TOX2: variants seen among roughly 807,000 people sequenced by gnomAD.
TOX2 encodes the protein TOX high mobility group box family member 2.
TOX2 carries 15 observed loss-of-function variants against 47.4 expected under a neutral mutation model. That is an observed-to-expected ratio of 0.32 (90% CI 0.21 to 0.49). TOX2 has a LOEUF of 0.49. Ranked by LOEUF, TOX2 falls within the 20% of genes least tolerant of loss-of-function variation. The probability of loss-of-function intolerance (pLI) is 0.99; values close to 1 mark genes in which losing one functional copy is unlikely to be tolerated. For missense variants in TOX2, 622 were observed against 673.1 expected, an observed-to-expected ratio of 0.92 and a Z score of 0.84; for synonymous variants, 290 against 296.6, an observed-to-expected ratio of 0.98 and a Z score of 0.23.
intron 2 of TOX2, among the ~76,000 whole-genome samples, chr20:43,991,804 C>T (rs538070326): frequency 1.6e-4 from 24 of 151,982 alleles, no homozygotes; most frequent in Admixed American, 1.3e-4. Context: ...CCACTATGCC[C>T]GGATCATTTT....
intron 1 of TOX2, among the ~76,000 whole-genome samples, chr20:43,922,100 A>G (rs568982585): frequency 2.3e-4 from 35 of 152,290 alleles, no homozygotes; most frequent in Non-Finnish European, 4.4e-4. Context: ...TTCAGGTCTC[A>G]GTTTTCTTAT....
At chr20:43,924,230 G>A (rs544581758) in intron 1 of TOX2, among the ~76,000 whole-genome samples, 86 of 152,238 alleles carry the variant, frequency 5.6e-4, no homozygotes, top group Admixed American at 1.2e-3. Flanking sequence ...TTTTAGTGAT[G>A]GTCACTCACT....
At position 44,066,802 on chromosome 20, in the gene TOX2, A is replaced by C; in HGVS notation, c.1429A>C (p.Ser477Arg). ...CSPGPSNPTS[S>R]GDWDSSYPSG... is the part of the protein sequence containing the mutation. ...ACCTGGCCCATCCAACCCCACCAGC[A>C]GCGGGGACTGGGACAGCAGCTACCC... Residue 477 changes from serine (S) to arginine (R), a missense_variant, in exon 8 of 9, where the codon AGC (serine) becomes CGC (arginine). Around this residue, in one of 3 missense-constraint regions of TOX2, gnomAD observed 294 missense variants for 300.0 expected, o/e 0.98. Transcript: ENST00000341197. 1 of 1,614,156 alleles carries C rather than the reference A, an allele frequency of 6.2e-7. No individual in the cohort carries two copies. Among genetic ancestry groups the C allele is most frequent in the African/African-American group, 1.3e-5 (1 of 75,038 alleles).
rs116123791 is a variant in TOX2 at position 43,930,257 on chromosome 20, T to A, written c.99+15267T>A. On this transcript the variant is annotated intron_variant, in intron 1 of 8. Transcript: ENST00000341197. Reference sequence around the variant, plus strand: ...GCCCAGGCTGTGTTTCTAAGAATAATCCACTCACCCTCTCTGGGCCTCACT... The same window carrying A: ...GCCCAGGCTGTGTTTCTAAGAATAAACCACTCACCCTCTCTGGGCCTCACT... Among the ~76,000 whole-genome samples the A allele has an allele frequency of 8.5e-3, 1,289 of 152,270 alleles. 30 individuals are homozygous for A. The highest frequency in any genetic ancestry group is 0.03 in the African/African-American group (1,232 of 41,558).
chr20:43,935,183 C>T (rs990975368), intron 1 of TOX2, among the ~76,000 whole-genome samples: 3 of 152,092 alleles, frequency 2.0e-5, no homozygotes, highest in Non-Finnish European at 4.4e-5. Context: ...GGGGAGGATT[C>T]GGTTCTGAAT....
At position 44,065,945 on chromosome 20, in the gene TOX2, C is replaced by T. The variant is rs146691313; in HGVS notation, c.1194C>T (p.Leu398=). 1.2e-6 allele frequency: 2 copies of T among 1,612,856 alleles called. No individual in the cohort carries two copies. The highest frequency in any genetic ancestry group is 2.2e-5 in the East Asian group (1 of 44,870). The change falls in exon 7 of 9, where the codon CTC becomes CTT. Residue 398 remains leucine, a synonymous_variant. Transcript: ENST00000341197. The stretch of plus-strand genomic sequence containing the variant: ...CGCCGCCGCCACCCTCCTTCCCGCT[C>T]AGCCCCACACTGCACCAGCAGCTGT... The part of the protein sequence containing the change: ...ASPPPPPSFP[L]SPTLHQQLSL...
At chr20:43,988,830 G>A (rs926399982) in intron 2 of TOX2, among the ~76,000 whole-genome samples, 3 of 152,234 alleles carry the variant, frequency 2.0e-5, no homozygotes, top group African/African-American at 7.2e-5. Context: ...AATGTGTCCA[G>A]ACTCAGAACT....
chr20:43,959,605 G>A (rs571537984), intron 1 of TOX2, among the ~76,000 whole-genome samples: 15 of 152,330 alleles, frequency 9.8e-5, no homozygotes, highest in African/African-American at 2.6e-4. Context: ...CGAGCCTTTT[G>A]TGGCATGATT....
chr20:44,016,305 G>A (rs982907394), intron 3 of TOX2, among the ~76,000 whole-genome samples: 5 of 152,006 alleles, frequency 3.3e-5, no homozygotes, highest in Admixed American at 6.6e-5. Flanking sequence ...TTTATTTTTA[G>A]TAGAGACAGG....
chr20:44,018,313 A>G (rs1439840490), intron 3 of TOX2, among the ~76,000 whole-genome samples: 2 of 152,172 alleles, frequency 1.3e-5, no homozygotes, highest in African/African-American at 4.8e-5. Flanking sequence ...TGCAAGGGCC[A>G]GGTGTTTAAC....
chr20:44,051,595 G>C (rs1438465664), intron 4 of TOX2, 50 bp downstream of exon 4: 1 of 1,525,838 alleles, frequency 6.6e-7, no homozygotes, highest in Non-Finnish European at 8.8e-7. Context: ...TGTCGGCAGG[G>C]AAGGGGTCCT....
At chr20:43,963,472 C>T (rs2145436142) in intron 1 of TOX2, among the ~76,000 whole-genome samples, 1 of 152,282 alleles carries the variant, frequency 6.6e-6, no homozygotes, top group East Asian at 1.9e-4. Flanking sequence ...TTCTCTGGTT[C>T]ACGTGGCTTG....
chr20:44,064,595 G>A (rs1403016517), intron 5 of TOX2, among the ~76,000 whole-genome samples, 182 bp from the exon 6 acceptor site: 1 of 152,178 alleles, frequency 6.6e-6, no homozygotes, highest in Non-Finnish European at 1.5e-5. Flanking sequence ...GATATGGCCT[G>A]GTCTCCACAA....
chr20:43,975,478 T>A (rs1600699772), intron 2 of TOX2, among the ~76,000 whole-genome samples: 2 of 152,286 alleles, frequency 1.3e-5, no homozygotes, highest in East Asian at 3.9e-4. Context: ...AGATCAAGGA[T>A]GTTGGCTGAT....
intron 1 of TOX2, among the ~76,000 whole-genome samples, chr20:43,960,100 C>T (rs141293879): frequency 5.9e-5 from 9 of 152,250 alleles, no homozygotes; most frequent in Admixed American, 5.2e-4. Context: ...GTGAGGTTGT[C>T]GTGAGGATTA....
chr20:43,952,076 AAT>A (rs1455479801), intron 1 of TOX2, among the ~76,000 whole-genome samples: 5 of 111,076 alleles, frequency 4.5e-5, no homozygotes, highest in East Asian at 2.7e-4. Context: ...TTTTTTTTAA[AAT>A]TTTTAGTAGA....
chr20:43,968,029 A>G (rs563725762), intron 1 of TOX2, among the ~76,000 whole-genome samples: 5 of 152,302 alleles, frequency 3.3e-5, no homozygotes, highest in African/African-American at 9.6e-5. Flanking sequence ...TGTAACTTTT[A>G]TTATATTTCT....
chr20:44,016,489 G>A (rs556077523), intron 3 of TOX2, among the ~76,000 whole-genome samples: 2 of 152,130 alleles, frequency 1.3e-5, no homozygotes, highest in South Asian at 2.1e-4. Flanking sequence ...TCCCAACCTC[G>A]GCACCACTGA....
At chr20:43,959,449 TG>T (rs2145421803) in intron 1 of TOX2, among the ~76,000 whole-genome samples, 1 of 152,344 alleles carries the variant, frequency 6.6e-6, no homozygotes, top group Non-Finnish European at 1.5e-5. Context: ...GTGTTAGGTT[TG>T]GGGTTAGAGG....
Sources: allele counts gnomAD v4.1 joint callset (sites outside exome capture counted in the v4.1 genomes callset), GRCh38; gene constraint gnomAD v4.1.1; regional missense constraint gnomAD v4.1.1; transcripts MANE v1.5; gene names NCBI Gene and HGNC (gene_info 2026-07-23, HGNC 2026-07-21).